GABRB3: variants seen among roughly 807,000 people sequenced by gnomAD.
The protein encoded by GABRB3 is gamma-aminobutyric acid receptor subunit beta-3.
Under a neutral mutation model 52.1 loss-of-function variants are expected in GABRB3, and 14 were observed. The ratio of observed to expected loss-of-function variants is 0.27; its 90% confidence interval spans 0.18 to 0.42. GABRB3 has a LOEUF of 0.42. GABRB3 is among the 10% of genes least tolerant of loss of function. The pLI is 1.00. For missense variants in GABRB3, 307 were observed against 609.1 expected, an observed-to-expected ratio of 0.50 and a Z score of 5.22; for synonymous variants, 260 against 232.3, an observed-to-expected ratio of 1.12 and a Z score of -1.08.
chr15:26,611,306 T>C (rs536791199), intron 4 of GABRB3, among the ~76,000 whole-genome samples: 1 of 152,340 alleles, frequency 6.6e-6, no homozygotes, highest in Non-Finnish European at 1.5e-5. Context: ...GTCTGGGTCA[T>C]TTCTAGTCAA....
chr15:26,603,132 C>G (rs1364900422), intron 4 of GABRB3, among the ~76,000 whole-genome samples: 2 of 151,900 alleles, frequency 1.3e-5, no homozygotes, highest in Non-Finnish European at 2.9e-5. Flanking sequence ...CTACTATAAG[C>G]AACTATTTAC....
chr15:26,572,157 G>A (rs1890429494), intron 6 of GABRB3, among the ~76,000 whole-genome samples: 2 of 152,150 alleles, frequency 1.3e-5, no homozygotes, highest in Admixed American at 6.5e-5. Context: ...CAGTAAGTGG[G>A]GCAAACAACG....
chr15:26,758,847 A>G (rs1890733307), intron 3 of GABRB3, among the ~76,000 whole-genome samples: 2 of 152,250 alleles, frequency 1.3e-5, no homozygotes, highest in Admixed American at 6.5e-5. Flanking sequence ...TCAAGGTGGT[A>G]AATTAGCGCA....
At chr15:26,633,356 G>A (rs996438025) in intron 3 of GABRB3, among the ~76,000 whole-genome samples, 1 of 152,076 alleles carries the variant, frequency 6.6e-6, no homozygotes, top group Non-Finnish European at 1.5e-5. Flanking sequence ...CACCCTTCCA[G>A]TGCTCCAGGG....
rs369021394 is a variant in GABRB3 at position 26,691,340 on chromosome 15, G to A, written c.241-69806C>T. Reference sequence around the variant, plus strand: ...GAAAGAACCATCAAGATGCAAAGACGGGGAAGAAAAAAGAAGCCTGAACAA... The same window carrying A: ...GAAAGAACCATCAAGATGCAAAGACAGGGAAGAAAAAAGAAGCCTGAACAA... On this transcript the variant is annotated intron_variant, in intron 3 of 8. Transcript: ENST00000311550. Among the ~76,000 whole-genome samples, 20 of 152,252 alleles carry A rather than the reference G, an allele frequency of 1.3e-4. No individual in the cohort carries two copies. In the East Asian group the frequency reaches 3.5e-3, roughly 26 times the overall value.
In GABRB3 at chr15:26,554,143, A is replaced by AGTGT. The variant is rs1270530034; in HGVS notation, c.1081-6010_1081-6009insACAC. Among the ~76,000 whole-genome samples, 43 of 30,040 alleles carry AGTGT rather than the reference A, an allele frequency of 1.4e-3. 2 individuals are homozygous for AGTGT. The highest frequency in any genetic ancestry group is 4.8e-3 in the African/African-American group (38 of 7,862). 19.7% of individuals were successfully genotyped at this position (30,040 alleles called of 152,430 possible). Reference sequence around the variant, plus strand: ...AGTGTGTGTGTATATATATATATAAAGTATATATATATATAAAGTATATAT... The same window carrying AGTGT: ...AGTGTGTGTGTATATATATATATAAAGTGTGTATATATATATATAAAGTATATAT... On this transcript the variant is annotated intron_variant, in intron 8 of 8. Transcript: ENST00000311550.
At chr15:26,754,477 AT>A (rs1890601856) in intron 3 of GABRB3, among the ~76,000 whole-genome samples, 2 of 152,206 alleles carry the variant, frequency 1.3e-5, no homozygotes, top group African/African-American at 4.8e-5. Context: ...ACAGTTACTG[AT>A]TCATTTCACA....
rs567456679 is a variant in GABRB3, at chr15:26,611,878, T to A, written c.461+9436A>T. 2.0e-5 allele frequency: 3 copies of A among 152,322 alleles called. No homozygotes were observed. In the South Asian group the frequency reaches 6.2e-4, roughly 32 times the overall value. The allele number at this position is 152,322 out of a possible 1,614,324, so 9.4% of individuals were successfully genotyped here. On this transcript the variant is annotated intron_variant, in intron 4 of 8. Coordinates refer to ENST00000311550, the MANE Select transcript of GABRB3 (RefSeq NM_000814.6). ...ACACATTGGCAGTTTGACAATTCCTTTTTAATAGAGTTAAGCCTAAAGACA... is the reference window on the plus strand; with the variant it reads ...ACACATTGGCAGTTTGACAATTCCTATTTAATAGAGTTAAGCCTAAAGACA...
intron 3 of GABRB3, among the ~76,000 whole-genome samples, chr15:26,753,042 C>A (rs1890559044): frequency 6.6e-6 from 1 of 152,148 alleles, no homozygotes; most frequent in African/African-American, 2.4e-5. Flanking sequence ...GTTTCTTGTA[C>A]TGACCAAATG....
intron 4 of GABRB3, among the ~76,000 whole-genome samples, chr15:26,592,504 G>A (rs17646555): frequency 0.093 from 14,226 of 152,246 alleles, 786 homozygotes; most frequent in Admixed American, 0.16. Context: ...CTAAATGTAT[G>A]AGTGGATATG....
intron 3 of GABRB3, among the ~76,000 whole-genome samples, chr15:26,769,713 A>C (rs1891094733): frequency 6.6e-6 from 1 of 152,138 alleles, no homozygotes; most frequent in Admixed American, 6.5e-5. Context: ...ATTTCATGAA[A>C]GTTTCCACAT....
At chr15:26,574,267 T>C (rs1890513849) in intron 6 of GABRB3, among the ~76,000 whole-genome samples, 1 of 152,074 alleles carries the variant, frequency 6.6e-6, no homozygotes, top group Non-Finnish European at 1.5e-5. Context: ...AAATAACTAG[T>C]GTTGGTGAGA....
chr15:26,564,346 C>G (rs1217646611), intron 7 of GABRB3, among the ~76,000 whole-genome samples: 1 of 152,158 alleles, frequency 6.6e-6, no homozygotes, highest in Non-Finnish European at 1.5e-5. Context: ...GTCGTTAACG[C>G]TAACAGTTCA....
intron 3 of GABRB3, among the ~76,000 whole-genome samples, chr15:26,707,627 C>CAG (rs1889147226): frequency 6.6e-6 from 1 of 152,172 alleles, no homozygotes; most frequent in African/African-American, 2.4e-5. Context: ...CATTGCCACA[C>CAG]AGAGCAAGAC....
At chr15:26,646,907 G>C (rs1231311894) in intron 3 of GABRB3, among the ~76,000 whole-genome samples, 1 of 152,102 alleles carries the variant, frequency 6.6e-6, no homozygotes, top group South Asian at 2.1e-4. Flanking sequence ...GCAGTGGTGC[G>C]ATCTCGGCTC....
intron 3 of GABRB3, among the ~76,000 whole-genome samples, chr15:26,623,307 G>A (rs1267633388): frequency 2.0e-5 from 3 of 152,148 alleles, no homozygotes; most frequent in African/African-American, 7.2e-5. Context: ...TGCCACCTTC[G>A]CAGCCAATGA....
chr15:26,597,829 T>A (rs1891451390), intron 4 of GABRB3, among the ~76,000 whole-genome samples: 1 of 152,208 alleles, frequency 6.6e-6, no homozygotes, highest in Non-Finnish European at 1.5e-5. Context: ...TTATCCATTT[T>A]TTCTCCACCC....
intron 3 of GABRB3, among the ~76,000 whole-genome samples, chr15:26,727,560 TCCCTAC>T (rs1039307298): frequency 2.0e-5 from 3 of 152,170 alleles, no homozygotes; most frequent in Admixed American, 1.3e-4. Context: ...CCTAGCACTT[TCCCTAC>T]CCCAGCCTTG....
chr15:26,674,122 C>T (rs1405945089), intron 3 of GABRB3, among the ~76,000 whole-genome samples: 1 of 150,440 alleles, frequency 6.6e-6, no homozygotes, highest in African/African-American at 2.5e-5. Flanking sequence ...GCAGAGCTAG[C>T]AGGGCGCAGT....
Sources: gnomAD v4.1 joint callset for allele counts (sites outside exome capture counted in the v4.1 genomes callset) on GRCh38, gnomAD v4.1.1 for gene constraint, MANE v1.5 for transcripts, NCBI Gene and HGNC (gene_info 2026-07-23, HGNC 2026-07-21) for gene names.